Variants in ALLC observed in about 807,000 individuals in gnomAD.
ALLC encodes probable inactive allantoicase.
A neutral mutation model predicts 45.0 loss-of-function variants in ALLC; 40 were observed. The observed-to-expected ratio is 0.89, with a 90% confidence interval of 0.69 to 1.16. The LOEUF (loss-of-function observed/expected upper bound fraction) is 1.16. Among genes scored for constraint, ALLC ranks in the 50% most tolerant of loss-of-function variants. The pLI, the probability that ALLC is intolerant of heterozygous loss-of-function variation, is 0.00. For missense variants in ALLC, 488 were observed against 493.1 expected, an observed-to-expected ratio of 0.99 and a Z score of 0.10; for synonymous variants, 176 against 178.1, an observed-to-expected ratio of 0.99 and a Z score of 0.09.
chr2:3,667,347 G>A (rs1231712424), intron 1 of ALLC, among the ~76,000 whole-genome samples: 1 of 152,238 alleles, frequency 6.6e-6, no homozygotes, highest in Non-Finnish European at 1.5e-5. Flanking sequence ...CGGGCATGGC[G>A]TCTGTGCATC....
At chr2:3,667,228 G>A (rs1011281332) in intron 1 of ALLC, among the ~76,000 whole-genome samples, 6 of 152,158 alleles carry the variant, frequency 3.9e-5, no homozygotes, top group East Asian at 1.9e-4. Context: ...TCAGTCCCCC[G>A]CTGCACCTCG....
intron 1 of ALLC, among the ~76,000 whole-genome samples, chr2:3,669,837 C>G (rs113516156): frequency 6.6e-6 from 1 of 152,076 alleles, no homozygotes; most frequent in African/African-American, 2.4e-5. Flanking sequence ...GAGGAAGAGC[C>G]AGAGCTGAGG....
chr2:3,653,452 T>G (rs1055612014), upstream of ALLC, among the ~76,000 whole-genome samples: 1 of 152,214 alleles, frequency 6.6e-6, no homozygotes, highest in South Asian at 2.1e-4. The surrounding 1 kb of genome is among the most constrained non-coding windows in gnomAD (Gnocchi z 4.1). Context: ...TGTGTTGAAC[T>G]GAAGGCCTGG....
chr2:3,666,179 C>T (rs971383552), intron 1 of ALLC, among the ~76,000 whole-genome samples: 1 of 152,232 alleles, frequency 6.6e-6, no homozygotes, highest in Non-Finnish European at 1.5e-5. Flanking sequence ...TGGCTTCTCC[C>T]ACCACAGGGG....
Position 3,658,215 on chromosome 2 carries a change from G to C in ALLC, c.-142G>C, listed in dbSNP as rs1300588411. The C allele has an allele frequency of 2.0e-5, 3 of 152,318 alleles. No individual in the cohort carries two copies. The highest frequency in any genetic ancestry group is 4.8e-5 in the African/African-American group (2 of 41,458). The allele number at this position is 152,318 out of a possible 1,614,324, so 9.4% of individuals were successfully genotyped here. A position where few individuals can be genotyped will look rare whatever the true frequency, so the allele number is the denominator to read the frequency against. On this transcript the variant is annotated 5_prime_UTR_variant, in exon 1 of 12. Coordinates refer to ENST00000252505, the MANE Select transcript of ALLC (RefSeq NM_018436.4). ...GCCCCTATACATTCTCTCTGAGCTGGCACTCAAGCACCGTGGGACCTTGGC... is the reference window on the plus strand; with the variant it reads ...GCCCCTATACATTCTCTCTGAGCTGCCACTCAAGCACCGTGGGACCTTGGC...
upstream of ALLC, among the ~76,000 whole-genome samples, chr2:3,654,606 C>T (rs189059891): frequency 6.6e-6 from 1 of 152,382 alleles, no homozygotes; most frequent in Admixed American, 6.5e-5. Context: ...TCAAGACACA[C>T]TCCCTGAGCA....
At chr2:3,685,526 C>T (rs948584364) in intron 7 of ALLC, among the ~76,000 whole-genome samples, 1 of 150,690 alleles carries the variant, frequency 6.6e-6, no homozygotes, top group Non-Finnish European at 1.5e-5. Context: ...CATCAGATCT[C>T]ACAAGAACTC....
chr2:3,652,234 G>A, the ALLC span, among the ~76,000 whole-genome samples: 1 of 152,208 alleles, frequency 6.6e-6, no homozygotes, highest in Non-Finnish European at 1.5e-5. Context: ...TAGGCTGCCC[G>A]CTGTTGCTAT....
At chr2:3,647,212 CAT>C in the ALLC span, among the ~76,000 whole-genome samples, 1 of 152,180 alleles carries the variant, frequency 6.6e-6, no homozygotes, top group Non-Finnish European at 1.5e-5. Context: ...GCGACACACA[CAT>C]ACGTCTAAGA....
Position 3,680,090 on chromosome 2 carries a change from C to A in ALLC, c.298+96C>A. The A allele has an allele frequency of 6.5e-7, 1 of 1,548,990 alleles. No individual in the cohort carries two copies. Among genetic ancestry groups the A allele is most frequent in the Non-Finnish European group, 8.8e-7 (1 of 1,131,852 alleles). On this transcript the variant is annotated intron_variant, in intron 5 of 11. Transcript: ENST00000252505. This position sits in a 1 kb window ranked among gnomAD's most constrained non-coding sequence, Gnocchi z 4.0. ...CACAACTGCTCACTTTCCCTACCAC[C>A]CAGACAGCTTCAGGCGCTTGACTAA...
intron 1 of ALLC, among the ~76,000 whole-genome samples, chr2:3,662,820 A>G (rs1666605769): frequency 6.6e-6 from 1 of 152,248 alleles, no homozygotes; most frequent in South Asian, 2.1e-4. Flanking sequence ...GCTGGAACAC[A>G]GGTGCCTTCA....
chr2:3,682,692 A>AT (rs1160164101), intron 6 of ALLC, among the ~76,000 whole-genome samples: 2 of 151,876 alleles, frequency 1.3e-5, no homozygotes, highest in East Asian at 3.9e-4. Flanking sequence ...CGCCCGGCTA[A>AT]TTTTTTGTAT....
chr2:3,655,821 C>T (rs2147987379), upstream of ALLC, among the ~76,000 whole-genome samples: 1 of 152,302 alleles, frequency 6.6e-6, no homozygotes, highest in Admixed American at 6.5e-5. Flanking sequence ...AAACCACTGG[C>T]CTCTTGCAGC....
intron 7 of ALLC, among the ~76,000 whole-genome samples, chr2:3,689,501 G>C (rs1368975803): frequency 6.6e-6 from 1 of 150,916 alleles, no homozygotes; most frequent in Non-Finnish European, 1.5e-5. Context: ...ATTTACATGT[G>C]TTTGTGTATT....
rs374153308 is a variant in ALLC, at chr2:3,679,980, C to A, written c.284C>A (p.Ala95Glu). 1.6e-5 allele frequency: 26 copies of A among 1,613,794 alleles called. No individual in the cohort carries two copies. The African/African-American group carries it at 2.9e-4, about 18-fold the overall frequency. The change falls in exon 5 of 12, where the codon GCA (alanine) becomes GAA (glutamate). Residue 95 changes from alanine to glutamate, a missense_variant. Ala to Glu is a moderately radical substitution (Grantham distance 107, BLOSUM62 -1). Transcript: ENST00000252505. ...GCTCCTCGAGTGTCCATTCAAGCAG[C>A]AAACTTGGAAGAAGGTGCGTTAGGA... ...DYAPRVSIQAANLEEDKLPEI... is the reference protein window; with the variant it reads ...DYAPRVSIQAENLEEDKLPEI...
intron 7 of ALLC, chr2:3,688,581 C>T: frequency 4.8e-6 from 1 of 207,478 alleles, no homozygotes; most frequent in Non-Finnish European, 1.0e-5. Context: ...TCTCATGATT[C>T]ACACCCCACA....
chr2:3,690,954 GT>G (rs34480482), intron 7 of ALLC, among the ~76,000 whole-genome samples: 41,628 of 144,860 alleles, frequency 0.29, 6,101 homozygotes, highest in Middle Eastern at 0.41. Context: ...GCACATTAGT[GT>G]TTTTTTTTTT....
intron 2 of ALLC, among the ~76,000 whole-genome samples, chr2:3,672,376 T>G (rs1481761123): frequency 5.4e-3 from 357 of 65,746 alleles, no homozygotes; most frequent in Middle Eastern, 0.024. Context: ...TCTGGCTCTA[T>G]TTAGATCCGA....
At chr2:3,689,947 C>CTTT (rs36098107) in intron 7 of ALLC, among the ~76,000 whole-genome samples, 1 of 137,766 alleles carries the variant, frequency 7.3e-6, no homozygotes. Context: ...AGTGTCTTGT[C>CTTT]TTTTTTTTTT....
Sources: gnomAD v4.1 joint callset for allele counts (sites outside exome capture counted in the v4.1 genomes callset) on GRCh38, gnomAD v4.1.1 for gene constraint, Gnocchi (gnomAD v3.1) non-coding constraint, MANE v1.5 for transcripts, NCBI Gene and HGNC (gene_info 2026-07-23, HGNC 2026-07-21) for gene names.